ADGRB1: variants seen among roughly 807,000 people sequenced by gnomAD.
ADGRB1 encodes brain-specific angiogenesis inhibitor 1.
Under a neutral mutation model 175.7 loss-of-function variants are expected in ADGRB1, and 36 were observed. The ratio of observed to expected loss-of-function variants is 0.20; its 90% confidence interval spans 0.16 to 0.27. ADGRB1 has a LOEUF of 0.27. ADGRB1 is among the 10% of genes least tolerant of loss of function. The pLI, the probability that ADGRB1 is intolerant of heterozygous loss-of-function variation, is 1.00. For missense variants in ADGRB1, 1,731 were observed against 2,255.3 expected, an observed-to-expected ratio of 0.77 and a Z score of 4.71; for synonymous variants, 1,054 against 979.4, an observed-to-expected ratio of 1.08 and a Z score of -1.42.
intron 25 of ADGRB1, among the ~76,000 whole-genome samples, chr8:142,534,473 G>C (rs1194241122): frequency 6.6e-6 from 1 of 152,228 alleles, no homozygotes; most frequent in Non-Finnish European, 1.5e-5. Context: ...GATGTGCTGA[G>C]CCTGGGTCAC....
rs1157713709 is a variant in ADGRB1, at chr8:142,537,635, C to A, written c.3666+553C>A. Among the ~76,000 whole-genome samples the A allele has an allele frequency of 6.6e-6, 1 of 152,094 alleles. No individual in the cohort carries two copies. Among genetic ancestry groups the A allele is most frequent in the Admixed American group, 6.5e-5 (1 of 15,276 alleles). On this transcript the variant is annotated intron_variant, in intron 26 of 30. Transcript: ENST00000517894. This position sits in a 1 kb window ranked among gnomAD's most constrained non-coding sequence, Gnocchi z 4.6. ...CCATCCTGCCTTCACCCTCTCTGGG[C>A]TCTCTGCCCTCCCCCTGCCCATCCT...
intron 2 of ADGRB1, among the ~76,000 whole-genome samples, chr8:142,466,766 C>T (rs996807644): frequency 2.0e-5 from 3 of 151,980 alleles, no homozygotes; most frequent in African/African-American, 4.8e-5. Flanking sequence ...GGGTGGTGGA[C>T]GGTTTGGGAG....
chr8:142,511,999 A>G lies in ADGRB1; in HGVS notation c.2817+926A>G, dbSNP rs1843134338. On this transcript the variant is annotated intron_variant, in intron 18 of 30. Coordinates refer to ENST00000517894, the MANE Select transcript of ADGRB1 (RefSeq NM_001702.3). The surrounding 1 kb of genome is among the most constrained non-coding windows in gnomAD (Gnocchi z 4.5). ...TGGGGAACCCCGGGTTCGATGTAGA[A>G]GGTAGCGCCTAGCCTCTCGGACACT... is the stretch of plus-strand genomic sequence containing the variant. Among the ~76,000 whole-genome samples, 1 of 152,198 alleles carries G rather than the reference A, an allele frequency of 6.6e-6. No individual in the cohort carries two copies. Among genetic ancestry groups the G allele is most frequent in the African/African-American group, 2.4e-5 (1 of 41,446 alleles).
intron 27 of ADGRB1, 67 bp downstream of exon 27, chr8:142,539,480 C>T (rs1479217332): frequency 7.1e-6 from 11 of 1,552,116 alleles, no homozygotes; most frequent in Admixed American, 1.9e-5. Context: ...TCCACGCCTC[C>T]GCCTGTGCCT....
chr8:142,461,265 C>T (rs1839954875), intron 1 of ADGRB1, among the ~76,000 whole-genome samples: 1 of 152,196 alleles, frequency 6.6e-6, no homozygotes, highest in South Asian at 2.1e-4. Flanking sequence ...CTGTGGACCT[C>T]AGCATGCCCA....
chr8:142,512,578 A>G (rs1285235338), intron 18 of ADGRB1, among the ~76,000 whole-genome samples: 1 of 152,116 alleles, frequency 6.6e-6, no homozygotes, highest in Non-Finnish European at 1.5e-5. Flanking sequence ...TCAGTGTTGG[A>G]GTCTGGAAAC....
intron 24 of ADGRB1, among the ~76,000 whole-genome samples, chr8:142,528,503 A>AG (rs1324489748): frequency 2.0e-5 from 3 of 152,154 alleles, no homozygotes; most frequent in Admixed American, 6.5e-5. Context: ...TTCCGAGAGC[A>AG]GGGCGCTTGC....
chr8:142,516,323 AGGTGCATGCG>A (rs1245507808), intron 18 of ADGRB1, among the ~76,000 whole-genome samples: 2 of 111,142 alleles, frequency 1.8e-5, no homozygotes, highest in East Asian at 2.8e-4. Flanking sequence ...TGCGGGCCCC[AGGTGCATGCG>A]TGTGTGCGGG....
rs761277687 is a variant in ADGRB1 at position 142,542,289 on chromosome 8, C to T, written c.4055C>T (p.Thr1352Met). ...DTSYVILPTA[T>M]ATLRPKPKEE... ...AGCTACGTGATCCTGCCCACGGCCA[C>T]GGCCACGCTGCGGCCCAAGCCCAAG... The change falls in exon 28 of 31, where the codon ACG (threonine) becomes ATG (methionine). Residue 1352 changes from threonine (T) to methionine (M), a missense_variant. Coordinates refer to ENST00000517894, the MANE Select transcript of ADGRB1 (RefSeq NM_001702.3). The surrounding 1 kb of genome is among the most constrained non-coding windows in gnomAD (Gnocchi z 6.3). 71 of 1,613,332 alleles carry T rather than the reference C, an allele frequency of 4.4e-5. 1 individual carries two copies. Among genetic ancestry groups the T allele is most frequent in the East Asian group, 4.0e-4 (18 of 44,860 alleles).
intron 2 of ADGRB1, among the ~76,000 whole-genome samples, chr8:142,471,039 A>C (rs993432575): frequency 3.9e-5 from 6 of 152,166 alleles, no homozygotes; most frequent in African/African-American, 1.4e-4. Context: ...AGGTAGTCTC[A>C]TGGTGACAGG....
chr8:142,520,831 G>A lies in ADGRB1; in HGVS notation c.2930G>A (p.Arg977His), dbSNP rs763568395. 3.1e-6 allele frequency: 5 copies of A among 1,613,246 alleles called. No individual in the cohort carries two copies. Among genetic ancestry groups the A allele is most frequent in the African/African-American group, 1.3e-5 (1 of 74,816 alleles). ...CCCTGCACTCTCCACAGGTACATTC[G>A]CTCAGAGCGTTCTGTCATCCTCATC... ...IIYVSVWRYI[R>H]SERSVILINF... Residue 977 changes from arginine to histidine, a missense_variant, in exon 20 of 31, where the codon CGC (arginine) becomes CAC (histidine). Arg to His is a conservative substitution (Grantham distance 29). Around this residue, in one of 8 missense-constraint regions of ADGRB1, gnomAD observed 301 missense variants for 488.4 expected, o/e 0.62. Coordinates refer to ENST00000517894, the MANE Select transcript of ADGRB1 (RefSeq NM_001702.3).
chr8:142,481,610 A>G lies in ADGRB1; in HGVS notation c.2029A>G (p.Thr677Ala), dbSNP rs1401622526. 3.7e-6 allele frequency: 6 copies of G among 1,604,662 alleles called. No homozygotes were observed. Among genetic ancestry groups the G allele is most frequent in the Non-Finnish European group, 5.1e-6 (6 of 1,175,874 alleles). The change falls in exon 11 of 31, where the codon ACC becomes GCC. Residue 677 changes from threonine to alanine, a missense_variant. This residue lies in a region of ADGRB1 where 388 missense variants were observed against 630.9 expected (regional missense o/e 0.61). Transcript: ENST00000517894. ...ACTGGTGGAGATCTCTCAGGACGGG[A>G]CCAGCTACAGTGGGGACCTGCTGTC... ...QTLVEISQDG[T>A]SYSGDLLSTI...
intron 17 of ADGRB1, among the ~76,000 whole-genome samples, chr8:142,509,511 C>T (rs1178806807): frequency 6.6e-6 from 1 of 152,130 alleles, no homozygotes; most frequent in Non-Finnish European, 1.5e-5. Flanking sequence ...CACAGGGCAC[C>T]GGGGCAGGTC....
chr8:142,480,566 C>G (rs554919579), intron 9 of ADGRB1, among the ~76,000 whole-genome samples: 1 of 152,230 alleles, frequency 6.6e-6, no homozygotes, highest in Non-Finnish European at 1.5e-5. Flanking sequence ...GAATGCCGCA[C>G]GGTGGCGTGC....
At chr8:142,512,462 C>A (rs535665261) in intron 18 of ADGRB1, among the ~76,000 whole-genome samples, 23 of 152,346 alleles carry the variant, frequency 1.5e-4, no homozygotes, top group Middle Eastern at 3.4e-3. Context: ...TCTCCGGGTG[C>A]TGCTCTTCCT....
intron 1 of ADGRB1, among the ~76,000 whole-genome samples, chr8:142,450,935 C>T (rs1026027012): frequency 6.6e-6 from 1 of 152,266 alleles, no homozygotes; most frequent in African/African-American, 2.4e-5. Flanking sequence ...CGAGCACTCC[C>T]GGGCGCCGAG....
chr8:142,472,989 G>A (rs1030614980), intron 2 of ADGRB1, among the ~76,000 whole-genome samples: 9 of 152,130 alleles, frequency 5.9e-5, no homozygotes, highest in African/African-American at 1.9e-4. Context: ...CCGCCCCTCC[G>A]AAGCCTCTCC....
chr8:142,454,262 G>A (rs958241775), intron 1 of ADGRB1, among the ~76,000 whole-genome samples: 13 of 152,144 alleles, frequency 8.5e-5, no homozygotes, highest in Admixed American at 2.6e-4. Flanking sequence ...AGCCAGCCCC[G>A]ACGCCACCCA....
At position 142,511,585 on chromosome 8, in the gene ADGRB1, G is replaced by A. The variant is rs1843107306; in HGVS notation, c.2817+512G>A. ...GGCCCCAGGCAGGGGCCCTGGCCCA[G>A]ATCCACCGCCCCCCAGGCCTCAGCA... On this transcript the variant is annotated intron_variant, in intron 18 of 30. Transcript: ENST00000517894. This position sits in a 1 kb window ranked among gnomAD's most constrained non-coding sequence, Gnocchi z 4.5. Among the ~76,000 whole-genome samples the A allele has an allele frequency of 6.6e-6, 1 of 152,134 alleles. No individual in the cohort carries two copies. Among genetic ancestry groups the A allele is most frequent in the Non-Finnish European group, 1.5e-5 (1 of 68,010 alleles).
Sources: allele counts gnomAD v4.1 joint callset (sites outside exome capture counted in the v4.1 genomes callset), GRCh38; gene constraint gnomAD v4.1.1; regional missense constraint gnomAD v4.1.1; non-coding constraint Gnocchi (gnomAD v3.1); transcripts MANE v1.5; gene names NCBI Gene and HGNC (gene_info 2026-07-23, HGNC 2026-07-21).